The following PLXNA2 variants were observed in gnomAD, a reference collection of about 807,000 sequenced individuals.
The protein encoded by PLXNA2 is plexin-A2.
Under a neutral mutation model 193.5 loss-of-function variants are expected in PLXNA2, and 91 were observed. The ratio of observed to expected loss-of-function variants is 0.47; its 90% CI spans 0.40 to 0.56. The LOEUF (loss-of-function observed/expected upper bound fraction) is 0.56, where lower values mean the gene tolerates loss of function less well. PLXNA2 is among the 20% of genes least tolerant of loss of function. The pLI is 0.00. For synonymous variants in PLXNA2, 997 were observed against 1,027.3 expected (o/e 0.97, Z 0.56); for missense variants, 1,995 against 2,503.2 (o/e 0.80, Z 4.33).
intron 31 of PLXNA2, 74 bp from the exon 32 acceptor site, chr1:208,027,412 T>A: frequency 1.7e-6 from 2 of 1,194,398 alleles, no homozygotes; most frequent in Non-Finnish European, 2.5e-6. Context: ...AGTCGTTCCC[T>A]CTTTGCCCTC....
chr1:208,045,338 A>G, intron 18 of PLXNA2, 128 bp from the exon 19 acceptor site: 4 of 884,466 alleles, frequency 4.5e-6, no homozygotes, highest in Non-Finnish European at 7.0e-6. Flanking sequence ...ACTCCTTGGC[A>G]AGTTTTTGTG....
chr1:208,222,847 C>T (rs1472804408), intron 1 of PLXNA2, among the ~76,000 whole-genome samples: 2 of 152,198 alleles, frequency 1.3e-5, no homozygotes, highest in Non-Finnish European at 2.9e-5. Flanking sequence ...TAGTAGCTCT[C>T]ATACCCGTGG....
chr1:208,092,114 T>C (rs1410632717), intron 9 of PLXNA2, among the ~76,000 whole-genome samples: 1 of 152,182 alleles, frequency 6.6e-6, no homozygotes, highest in Non-Finnish European at 1.5e-5. Context: ...TATGAATATA[T>C]AAGAAAGTAG....
At chr1:208,150,552 C>G (rs144171910) in intron 3 of PLXNA2, among the ~76,000 whole-genome samples, 1 of 152,140 alleles carries the variant, frequency 6.6e-6, no homozygotes, top group South Asian at 2.1e-4. Context: ...ATTTATTGAG[C>G]ATTTACTATG....
rs368699739 is a variant in PLXNA2, at chr1:208,216,792, G to A, written c.1131C>T (p.Gly377=). The change falls in exon 2 of 32, where the codon GGC becomes GGT. Residue 377 remains glycine, a synonymous_variant. Coordinates refer to ENST00000367033, the MANE Select transcript of PLXNA2 (RefSeq NM_025179.4). ...IKERLQSCYQ[G]EGNLELNWLL... is the part of the protein sequence containing the mutation. ...GCCAGTTGAGCTCCAGGTTGCCCTC[G>A]CCCTGGTAGCAGGACTGCAGGCGCT... The A allele has an allele frequency of 6.9e-5, 112 of 1,613,944 alleles. 1 individual carries two copies. The highest frequency in any genetic ancestry group is 8.6e-5 in the Non-Finnish European group (101 of 1,180,038).
At chr1:208,191,075 A>G (rs1285204100) in intron 3 of PLXNA2, among the ~76,000 whole-genome samples, 1 of 152,232 alleles carries the variant, frequency 6.6e-6, no homozygotes, top group Non-Finnish European at 1.5e-5. Context: ...GGCGGTCCCA[A>G]AAGGATTCGG....
At chr1:208,115,366 C>A (rs1349848543) in intron 4 of PLXNA2, among the ~76,000 whole-genome samples, 3 of 152,220 alleles carry the variant, frequency 2.0e-5, no homozygotes, top group Non-Finnish European at 4.4e-5. Context: ...TTCATCCATC[C>A]ATTCATCCAC....
chr1:208,100,966 G>A (rs567676603), intron 5 of PLXNA2, among the ~76,000 whole-genome samples: 37 of 152,306 alleles, frequency 2.4e-4, no homozygotes, highest in African/African-American at 8.2e-4. Context: ...GCAGTGATTC[G>A]CACCCTAACT....
intron 2 of PLXNA2, 66 bp downstream of exon 2, chr1:208,216,669 G>A: frequency 6.5e-7 from 1 of 1,532,630 alleles, no homozygotes. Flanking sequence ...GTGCCCCAGG[G>A]CATGGACAGG....
chr1:208,034,250 G>A (rs373491294), intron 27 of PLXNA2, among the ~76,000 whole-genome samples: 3 of 152,206 alleles, frequency 2.0e-5, no homozygotes, highest in Admixed American at 6.5e-5. Context: ...GGGCCACTCC[G>A]ACTCCTCTAC....
At chr1:208,093,069 A>G (rs928132725) in intron 8 of PLXNA2, among the ~76,000 whole-genome samples, 169 bp from the exon 9 acceptor site, 4 of 152,252 alleles carry the variant, frequency 2.6e-5, no homozygotes, top group African/African-American at 9.6e-5. Context: ...TCCATCCATG[A>G]TATTCATGGG....
Position 208,051,361 on chromosome 1 carries a change from G to A in PLXNA2, c.3056C>T (p.Pro1019Leu). 6.2e-7 allele frequency: 1 copy of A among 1,613,614 alleles called. No individual in the cohort carries two copies. The highest frequency in any genetic ancestry group is 8.5e-7 in the Non-Finnish European group (1 of 1,179,884). Residue 1019 changes from proline to leucine, a missense_variant, in exon 16 of 32, where the codon CCT becomes CTT. Around this residue, in one of 3 missense-constraint regions of PLXNA2, gnomAD observed 1,291 missense variants for 1,673.6 expected, o/e 0.77. Coordinates refer to ENST00000367033, the MANE Select transcript of PLXNA2 (RefSeq NM_025179.4). Reference sequence around the variant, plus strand: ...GGCTCGGTCGACACTCACAGAAACAGGGACCGGGCCAAGGCCATTGGATGA... The same window carrying A: ...GGCTCGGTCGACACTCACAGAAACAAGGACCGGGCCAAGGCCATTGGATGA... ...PPSSNGLGPV[P>L]VSVSVDRAHV...
At chr1:208,207,156 C>A (rs1010504631) in intron 3 of PLXNA2, among the ~76,000 whole-genome samples, 1 of 152,204 alleles carries the variant, frequency 6.6e-6, no homozygotes, top group Non-Finnish European at 1.5e-5. Context: ...CAGGCATGTG[C>A]CACCACGCCT....
At chr1:208,150,348 A>G (rs1668720273) in intron 3 of PLXNA2, among the ~76,000 whole-genome samples, 1 of 152,086 alleles carries the variant, frequency 6.6e-6, no homozygotes, top group Non-Finnish European at 1.5e-5. Context: ...ATATTCAACT[A>G]GGGGTGGGTG....
At position 208,185,008 on chromosome 1, in the gene PLXNA2, T is replaced by C. The variant is rs537930791; in HGVS notation, c.1371+25272A>G. On this transcript the variant is annotated intron_variant, in intron 3 of 31. Coordinates refer to ENST00000367033, the MANE Select transcript of PLXNA2 (RefSeq NM_025179.4). The stretch of plus-strand genomic sequence containing the variant: ...GGCCATTCTTCCCTTCTTTTAGGCA[T>C]GGAGCACTCAGCCCTCCCATCAGCC... 1.6e-4 allele frequency among the ~76,000 whole-genome samples: 25 copies of C among 152,340 alleles called. No individual in the cohort carries two copies. The South Asian group carries it at 2.1e-3, about 13-fold the overall frequency.
chr1:208,033,546 A>G, intron 27 of PLXNA2, 37 bp from the exon 28 acceptor site: 1 of 1,526,034 alleles, frequency 6.6e-7, no homozygotes, highest in East Asian at 2.3e-5. Flanking sequence ...TGTGAGTAAC[A>G]GTCACCAGCC....
intron 13 of PLXNA2, among the ~76,000 whole-genome samples, chr1:208,058,409 A>T (rs670077): frequency 0.15 from 22,778 of 152,190 alleles, 1,970 homozygotes; most frequent in East Asian, 0.3. Context: ...GCATATGGTG[A>T]ATCATTACCG....
At chr1:208,119,350 C>A (rs1328550947) in intron 4 of PLXNA2, among the ~76,000 whole-genome samples, 1 of 152,172 alleles carries the variant, frequency 6.6e-6, no homozygotes. Flanking sequence ...ACAGACCCAG[C>A]GAAAGGTGTC....
At chr1:208,092,154 C>T (rs1269700090) in intron 9 of PLXNA2, among the ~76,000 whole-genome samples, 1 of 152,136 alleles carries the variant, frequency 6.6e-6, no homozygotes, top group East Asian at 1.9e-4. Flanking sequence ...GAATGGAATA[C>T]CCATTAGAAA....
Sources: allele counts gnomAD v4.1 joint callset (sites outside exome capture counted in the v4.1 genomes callset), GRCh38; gene constraint gnomAD v4.1.1; regional missense constraint gnomAD v4.1.1; transcripts MANE v1.5; gene names NCBI Gene and HGNC (gene_info 2026-07-23, HGNC 2026-07-21).